Variants in IL1RAP observed in about 807,000 individuals in gnomAD.
IL1RAP encodes the protein interleukin-1 receptor accessory protein.
A neutral mutation model predicts 60.7 loss-of-function variants in IL1RAP; 35 were observed. That is an observed-to-expected ratio of 0.58 (90% CI 0.44 to 0.76). The LOEUF is 0.76. Ranked by LOEUF, IL1RAP falls within the 30% of genes least tolerant of loss-of-function variation. IL1RAP has a pLI of 0.00. For synonymous variants in IL1RAP, 268 were observed against 250.9 expected, an observed-to-expected ratio of 1.07 and a Z score of -0.64; for missense variants, 572 against 693.9, an observed-to-expected ratio of 0.82 and a Z score of 1.97.
In IL1RAP at chr3:190,644,943, T is replaced by TAG. The variant is rs1733910088; in HGVS notation, c.1201+550_1201+551dup. 3.3e-5 allele frequency among the ~76,000 whole-genome samples: 5 copies of TAG among 152,298 alleles called. No individual in the cohort carries two copies. In the South Asian group the frequency reaches 1.0e-3, roughly 32 times the overall value. ...CTGATCCACACTCCTTGTACTCAGA[T>TAG]AGAGATCTGTGAACCAGCAGCAACA... On this transcript the variant is annotated intron_variant, in intron 10 of 11. Coordinates refer to ENST00000447382, the MANE Select transcript of IL1RAP (RefSeq NM_002182.4).
chr3:190,628,679 T>C (rs2885373), intron 8 of IL1RAP, among the ~76,000 whole-genome samples: 137,001 of 152,302 alleles, frequency 0.9, 61,831 homozygotes, highest in East Asian at 1. Flanking sequence ...TCTTTTTATA[T>C]GTTAGGATTT....
intron 1 of IL1RAP, among the ~76,000 whole-genome samples, chr3:190,538,305 G>C (rs555853756): frequency 4.5e-4 from 69 of 152,286 alleles, no homozygotes; most frequent in Middle Eastern, 3.4e-3. Context: ...TGGAATGTGT[G>C]AATCTCCATT....
intron 9 of IL1RAP, among the ~76,000 whole-genome samples, chr3:190,639,932 C>A (rs58230362): frequency 0.26 from 39,107 of 151,916 alleles, 5,438 homozygotes; most frequent in African/African-American, 0.37. Flanking sequence ...CTGTACCCAA[C>A]TGTCTCACAG....
chr3:190,553,793 G>A (rs1362693288), intron 1 of IL1RAP, among the ~76,000 whole-genome samples: 1 of 152,062 alleles, frequency 6.6e-6, no homozygotes, highest in Non-Finnish European at 1.5e-5. Context: ...GGGCGCGGTG[G>A]CTCACGCCTG....
In IL1RAP at chr3:190,650,140, C is replaced by A; in HGVS notation, c.*1435C>A. Reference sequence around the variant, plus strand: ...TAGCTATGGGTACAATATTAAAAACCACTGGAACTCTTGTCCAGTTTTTAA... The same window carrying A: ...TAGCTATGGGTACAATATTAAAAACAACTGGAACTCTTGTCCAGTTTTTAA... On this transcript the variant is annotated 3_prime_UTR_variant, in exon 12 of 12. Coordinates refer to ENST00000447382, the MANE Select transcript of IL1RAP (RefSeq NM_002182.4). 4.1e-6 allele frequency: 4 copies of A among 982,722 alleles called. No homozygotes were observed. Among genetic ancestry groups the A allele is most frequent in the Non-Finnish European group, 4.8e-6 (4 of 827,786 alleles). The allele number at this position is 982,722 out of a possible 1,614,324, so 60.9% of individuals were successfully genotyped here. A position where few individuals can be genotyped will look rare whatever the true frequency, so the allele number is the denominator to read the frequency against.
intron 9 of IL1RAP, chr3:190,629,737 G>T (rs1321286524): frequency 1.7e-6 from 2 of 1,196,048 alleles, no homozygotes; most frequent in African/African-American, 3.1e-5. Flanking sequence ...AAAAATCGAC[G>T]TGAGTACAGT....
Position 190,645,636 on chromosome 3 carries a change from GA to G in IL1RAP, c.1202-58del, listed in dbSNP as rs572638378. Reference sequence around the variant, plus strand: ...TCTAATATGCAGAAGTTAGATTTAAGAAAAATGTAATGGTATTGAGAAACTT... The same window carrying G: ...TCTAATATGCAGAAGTTAGATTTAAGAAAATGTAATGGTATTGAGAAACTT... On this transcript the variant is annotated intron_variant, in intron 10 of 11. Coordinates refer to ENST00000447382, the MANE Select transcript of IL1RAP (RefSeq NM_002182.4). The G allele has an allele frequency of 1.3e-3, 1,820 of 1,353,172 alleles. 2 individuals carry two copies. The highest frequency in any genetic ancestry group is 1.7e-3 in the Non-Finnish European group (1,685 of 975,230). The allele number at this position is 1,353,172 out of a possible 1,614,324, so 83.8% of individuals were successfully genotyped here.
chr3:190,590,718 T>C (rs973927949), intron 3 of IL1RAP, among the ~76,000 whole-genome samples: 4 of 152,228 alleles, frequency 2.6e-5, no homozygotes, highest in Admixed American at 2.6e-4. Flanking sequence ...CAGCGTTATC[T>C]TTTTTGGCTC....
intron 7 of IL1RAP, chr3:190,624,998 G>A (rs183750874): frequency 9.0e-4 from 146 of 162,096 alleles, no homozygotes; most frequent in African/African-American, 2.6e-3. Flanking sequence ...CGGGGTCCTC[G>A]TGTGCTCGCG....
At chr3:190,532,473 A>G (rs1723075170) in intron 1 of IL1RAP, among the ~76,000 whole-genome samples, 2 of 152,076 alleles carry the variant, frequency 1.3e-5, no homozygotes, top group African/African-American at 4.8e-5. Flanking sequence ...CGTGTTAGCC[A>G]GGATGTTCTC....
At chr3:190,542,730 G>T (rs1409422744) in intron 1 of IL1RAP, among the ~76,000 whole-genome samples, 9 of 151,980 alleles carry the variant, frequency 5.9e-5, no homozygotes, top group Non-Finnish European at 1.2e-4. Context: ...TCAGAGTTTG[G>T]GTAGTGATTT....
At chr3:190,575,750 T>TA (rs1252861829) in intron 3 of IL1RAP, among the ~76,000 whole-genome samples, 11 of 152,362 alleles carry the variant, frequency 7.2e-5, no homozygotes, top group African/African-American at 2.6e-4. Context: ...CCAGCTAAGG[T>TA]ATTAAATGAT....
chr3:190,627,215 T>C, intron 7 of IL1RAP, 108 bp from the exon 8 acceptor site: 4 of 853,436 alleles, frequency 4.7e-6, no homozygotes, highest in Non-Finnish European at 7.1e-6. Context: ...AATATAGCCA[T>C]GTGAAGGATA....
chr3:190,574,872 G>C (rs1727299453), intron 3 of IL1RAP, among the ~76,000 whole-genome samples: 1 of 152,082 alleles, frequency 6.6e-6, no homozygotes, highest in African/African-American at 2.4e-5. Flanking sequence ...AGTATGGGCT[G>C]GGGGCATTTT....
chr3:190,594,423 T>G (rs1325890815), intron 3 of IL1RAP, among the ~76,000 whole-genome samples: 6 of 152,362 alleles, frequency 3.9e-5, no homozygotes, highest in Non-Finnish European at 8.8e-5. Context: ...TACCGTTCAT[T>G]ATGTAGCGCC....
At position 190,619,002 on chromosome 3, in the gene IL1RAP, A is replaced by T. The variant is rs116285571; in HGVS notation, c.538-1273A>T. Reference sequence around the variant, plus strand: ...GAAAACCTTAATCATACAAACATTAAAGATGAAATATGTGAATAAAAAAAA... The same window carrying T: ...GAAAACCTTAATCATACAAACATTATAGATGAAATATGTGAATAAAAAAAA... On this transcript the variant is annotated intron_variant, in intron 5 of 11. Transcript: ENST00000447382. Among the ~76,000 whole-genome samples the T allele has an allele frequency of 1.7e-3, 266 of 152,364 alleles. 2 individuals carry two copies. Among genetic ancestry groups the T allele is most frequent in the African/African-American group, 6.2e-3 (258 of 41,586 alleles).
chr3:190,573,332 A>T (rs1329734911), intron 3 of IL1RAP, among the ~76,000 whole-genome samples: 4 of 150,838 alleles, frequency 2.7e-5, no homozygotes, highest in Non-Finnish European at 5.9e-5. Context: ...TGCTGTTTGC[A>T]ATTGACACTG....
intron 1 of IL1RAP, chr3:190,516,175 G>C (rs1721495346): frequency 6.6e-6 from 1 of 152,234 alleles, no homozygotes; most frequent in South Asian, 2.1e-4. Flanking sequence ...AGAACAGAGT[G>C]TGATACATCT....
exon 12 of IL1RAP, chr3:190,658,807 T>C (rs2108878022): frequency 6.6e-6 from 1 of 152,294 alleles, no homozygotes; most frequent in South Asian, 2.1e-4. Flanking sequence ...AACTAGAAGA[T>C]TCCTACTCCA....
Sources: allele counts gnomAD v4.1 joint callset (sites outside exome capture counted in the v4.1 genomes callset), GRCh38; gene constraint gnomAD v4.1.1; transcripts MANE v1.5; gene names NCBI Gene and HGNC (gene_info 2026-07-23, HGNC 2026-07-21).